Variants in GABRB2 observed in about 807,000 individuals in gnomAD.
GABRB2 encodes gamma-aminobutyric acid type A receptor subunit beta2, also known as gamma-aminobutyric acid receptor subunit beta-2.
Under a neutral mutation model 54.7 loss-of-function variants are expected in GABRB2, and 16 were observed. That is an observed-to-expected ratio of 0.29 (90% CI 0.20 to 0.44). GABRB2 has a LOEUF of 0.44. Ranked by LOEUF, GABRB2 falls within the 20% of genes least tolerant of loss-of-function variation. GABRB2 has a pLI of 1.00. For synonymous variants in GABRB2, 244 were observed against 233.8 expected (o/e 1.04, Z -0.40); for missense variants, 355 against 644.0 (o/e 0.55, Z 4.86).
intron 3 of GABRB2, among the ~76,000 whole-genome samples, chr5:161,518,767 T>G (rs1760027515): frequency 6.6e-6 from 1 of 152,084 alleles, no homozygotes; most frequent in South Asian, 2.1e-4. Flanking sequence ...CATTGAGAGG[T>G]CACCTTAAAG....
At chr5:161,300,106 A>G (rs1757493512) in intron 9 of GABRB2, among the ~76,000 whole-genome samples, 1 of 152,184 alleles carries the variant, frequency 6.6e-6, no homozygotes, top group African/African-American at 2.4e-5. Flanking sequence ...TGTTGGGAGC[A>G]AAATTACAAG....
In GABRB2 at chr5:161,463,551, TTATTTATATATATATATATATA is replaced by T. The variant is rs1462062583; in HGVS notation, c.238-3729_238-3708del. Reference sequence around the variant, plus strand: ...GTTGACAAGGTGATTCCAAATATTTTTATTTATATATATATATATATATATATATATATATATATATATATAT... The same window carrying T: ...GTTGACAAGGTGATTCCAAATATTTTTATATATATATATATATATATATAT... On this transcript the variant is annotated intron_variant, in intron 3 of 9. Coordinates refer to ENST00000393959, the MANE Select transcript of GABRB2 (RefSeq NM_001371727.1). Among the ~76,000 whole-genome samples, 89 of 30,264 alleles carry T rather than the reference TTATTTATATATATATATATATA, an allele frequency of 2.9e-3. 1 individual carries two copies. Among genetic ancestry groups the T allele is most frequent in the Middle Eastern group, 0.031 (1 of 32 alleles). 19.9% of individuals were successfully genotyped at this position (30,264 alleles called of 152,430 possible).
At chr5:161,373,236 T>C (rs549979710) in intron 5 of GABRB2, among the ~76,000 whole-genome samples, 1 of 152,206 alleles carries the variant, frequency 6.6e-6, no homozygotes, top group Non-Finnish European at 1.5e-5. Flanking sequence ...GATATATTAG[T>C]CACAGACATG....
intron 3 of GABRB2, among the ~76,000 whole-genome samples, chr5:161,534,575 G>C (rs933875737): frequency 1.3e-5 from 2 of 152,120 alleles, no homozygotes; most frequent in African/African-American, 4.8e-5. Context: ...TGCACAGTCA[G>C]ATGCTTACTT....
intron 5 of GABRB2, among the ~76,000 whole-genome samples, chr5:161,386,556 A>T (rs886221437): frequency 3.9e-5 from 6 of 152,056 alleles, no homozygotes; most frequent in Non-Finnish European, 5.9e-5. Flanking sequence ...ACTTTTTAAA[A>T]TTTTTTTGAG....
chr5:161,385,146 T>A (rs1755585554), intron 5 of GABRB2, among the ~76,000 whole-genome samples: 1 of 152,160 alleles, frequency 6.6e-6, no homozygotes, highest in Admixed American at 6.5e-5. Flanking sequence ...CTCTGCTCTC[T>A]TTTAAACTAA....
At chr5:161,395,837 C>G (rs1755979877) in intron 5 of GABRB2, among the ~76,000 whole-genome samples, 2 of 152,164 alleles carry the variant, frequency 1.3e-5, no homozygotes, top group South Asian at 2.1e-4. Context: ...CCCACTCCAG[C>G]CCTTATACCT....
chr5:161,342,406 T>C (rs1754201112), intron 5 of GABRB2, among the ~76,000 whole-genome samples: 1 of 152,076 alleles, frequency 6.6e-6, no homozygotes, highest in Non-Finnish European at 1.5e-5. Context: ...ATTTCTGTTC[T>C]GAGAAACACT....
At chr5:161,447,350 A>G (rs1757664542) in intron 4 of GABRB2, among the ~76,000 whole-genome samples, 1 of 152,168 alleles carries the variant, frequency 6.6e-6, no homozygotes, top group Non-Finnish European at 1.5e-5. Flanking sequence ...TAGTATTTTT[A>G]TGCCAGAAGA....
At chr5:161,495,254 G>C (rs2962405) in intron 3 of GABRB2, among the ~76,000 whole-genome samples, 1 of 151,952 alleles carries the variant, frequency 6.6e-6, no homozygotes, top group Non-Finnish European at 1.5e-5. Flanking sequence ...TTAATACTCA[G>C]GAGTGTTATC....
At chr5:161,332,035 G>A (rs891397382) in intron 7 of GABRB2, among the ~76,000 whole-genome samples, 1 of 151,818 alleles carries the variant, frequency 6.6e-6, no homozygotes, top group Admixed American at 6.6e-5. Context: ...GCGTGATGGC[G>A]GGCGCCTGTA....
intron 5 of GABRB2, among the ~76,000 whole-genome samples, chr5:161,387,634 T>A (rs1214663220): frequency 2.6e-5 from 4 of 152,196 alleles, no homozygotes; most frequent in Non-Finnish European, 4.4e-5. Flanking sequence ...GTTTTTATGC[T>A]GAAATGGGTA....
Position 161,533,606 on chromosome 5 carries a change from T to A in GABRB2, c.237+11621A>T, listed in dbSNP as rs371014946. Among the ~76,000 whole-genome samples the A allele has an allele frequency of 5.2e-4, 79 of 152,244 alleles. 1 individual carries two copies. The South Asian group carries it at 9.5e-3, about 18-fold the overall frequency. ...ATTGTTGCTTAAGTAAATAATGGGT[T>A]CCTTTATTTTCAAATAATCTATAGC... is the stretch of plus-strand genomic sequence containing the variant. On this transcript the variant is annotated intron_variant, in intron 3 of 9. Coordinates refer to ENST00000393959, the MANE Select transcript of GABRB2 (RefSeq NM_001371727.1).
At chr5:161,514,297 T>C (rs1461665295) in intron 3 of GABRB2, among the ~76,000 whole-genome samples, 1 of 152,156 alleles carries the variant, frequency 6.6e-6, no homozygotes, top group African/African-American at 2.4e-5. Context: ...CCTCTTGTTC[T>C]AAAACAGTTC....
intron 4 of GABRB2, among the ~76,000 whole-genome samples, chr5:161,442,754 C>A (rs1757503911): frequency 6.6e-6 from 1 of 151,676 alleles, no homozygotes; most frequent in African/African-American, 2.4e-5. Context: ...TCAATTCTCT[C>A]TCTCTCTCTT....
intron 6 of GABRB2, among the ~76,000 whole-genome samples, chr5:161,335,168 C>A (rs1197090948): frequency 6.6e-6 from 1 of 152,110 alleles, no homozygotes; most frequent in Non-Finnish European, 1.5e-5. Flanking sequence ...AAACATACCC[C>A]TCCTCTGTAA....
chr5:161,496,276 AAATC>A (rs1759243652), intron 3 of GABRB2, among the ~76,000 whole-genome samples: 1 of 152,172 alleles, frequency 6.6e-6, no homozygotes, highest in South Asian at 2.1e-4. Context: ...AGGATTAAGT[AAATC>A]AATCATTCAA....
intron 2 of GABRB2, among the ~76,000 whole-genome samples, chr5:161,545,604 C>T (rs1272434095): frequency 6.6e-6 from 1 of 152,088 alleles, no homozygotes; most frequent in East Asian, 1.9e-4. Flanking sequence ...TCCTTCTAGT[C>T]TAAGGGATTT....
At chr5:161,545,160 G>T (rs1443213349) in intron 3 of GABRB2, 67 bp downstream of exon 3, 1 of 1,254,230 alleles carries the variant, frequency 8.0e-7, no homozygotes, top group Non-Finnish European at 1.1e-6. Context: ...CCAATAGCTG[G>T]CTCATTTCTC....
Sources: allele counts gnomAD v4.1 joint callset (sites outside exome capture counted in the v4.1 genomes callset), GRCh38; gene constraint gnomAD v4.1.1; transcripts MANE v1.5; gene names NCBI Gene and HGNC (gene_info 2026-07-23, HGNC 2026-07-21).